RHCE: variants seen among roughly 807,000 people sequenced by gnomAD.
The protein encoded by RHCE is Rh blood group CcEe antigens.
Under a neutral mutation model 43.8 loss-of-function variants are expected in RHCE, and 22 were observed. The observed-to-expected ratio is 0.50, with a 90% CI of 0.36 to 0.72. RHCE has a LOEUF of 0.72. Among genes scored for constraint, RHCE ranks in the 30% least tolerant of loss-of-function variants. The probability of loss-of-function intolerance (pLI) is 0.00; values close to 1 mark genes in which losing one functional copy is unlikely to be tolerated. For missense variants in RHCE, 385 were observed against 525.4 expected (o/e 0.73, Z 2.61); for synonymous variants, 156 against 210.7 (o/e 0.74, Z 2.25).
In RHCE at chr1:25,373,358, G is replaced by A. The variant is rs1360268800; in HGVS notation, c.1153+1991C>T. Among the ~76,000 whole-genome samples, 23 of 151,780 alleles carry A rather than the reference G, an allele frequency of 1.5e-4. 1 individual carries two copies. The East Asian group carries it at 1.7e-3, about 11-fold the overall frequency. On this transcript the variant is annotated intron_variant, in intron 8 of 9. Coordinates refer to ENST00000294413, the MANE Select transcript of RHCE (RefSeq NM_020485.8). ...AAATGCAGGATACCCAATTCATTGC[G>A]AATTTAAAAACAGACACCTTGCATT...
chr1:25,403,068 G>A lies in RHCE; in HGVS notation c.336-322C>T, dbSNP rs1646808635. On this transcript the variant is annotated intron_variant, in intron 2 of 9. Coordinates refer to ENST00000294413, the MANE Select transcript of RHCE (RefSeq NM_020485.8). ...GATCGGGGTGACTGTTCCCTCAGGG[G>A]ATCTGATAACTGGGATTCTGCCCAG... 4.6e-5 allele frequency among the ~76,000 whole-genome samples: 7 copies of A among 151,548 alleles called. No homozygotes were observed. The South Asian group carries it at 1.0e-3, about 23-fold the overall frequency.
At chr1:25,382,369 G>A (rs28654719) in intron 7 of RHCE, among the ~76,000 whole-genome samples, 6,513 of 143,032 alleles carry the variant, frequency 0.046, 559 homozygotes, top group African/African-American at 0.18. Context: ...TGTTGGTTAT[G>A]TGGGGATATC....
At chr1:25,424,011 T>A (rs747980980), upstream of RHCE, among the ~76,000 whole-genome samples, 6 of 152,202 alleles carry the variant, frequency 3.9e-5, no homozygotes, top group Non-Finnish European at 8.8e-5. Context: ...GCAACACACA[T>A]GCAGTGGAAG....
Position 25,398,990 on chromosome 1 carries a change from G to A in RHCE, c.486+3606C>T. 4.1e-6 allele frequency: 5 copies of A among 1,210,094 alleles called. 1 individual carries two copies. The highest frequency in any genetic ancestry group is 2.4e-5 in the South Asian group (2 of 83,034). 75.0% of individuals were successfully genotyped at this position (1,210,094 alleles called of 1,614,324 possible). On this transcript the variant is annotated intron_variant, in intron 3 of 9. Transcript: ENST00000294413. ...CTGCTTATTTGAATCCTTGCTCTGC[G>A]ACGGACTATTCCCTGGCTGCAGCCC...
At chr1:25,425,385 CA>C (rs1426247440), upstream of RHCE, among the ~76,000 whole-genome samples, 1 of 152,190 alleles carries the variant, frequency 6.6e-6, no homozygotes, top group Non-Finnish European at 1.5e-5. Context: ...AACTGCTGCT[CA>C]GAGAGGTGGC....
At chr1:25,374,642 G>A (rs1231225053) in intron 8 of RHCE, among the ~76,000 whole-genome samples, 2 of 126,834 alleles carry the variant, frequency 1.6e-5, no homozygotes, top group Non-Finnish European at 3.3e-5. Context: ...GCATGCTGCT[G>A]TCTCAGGGCC....
At chr1:25,377,861 C>T (rs542927645) in intron 7 of RHCE, among the ~76,000 whole-genome samples, 8 of 152,214 alleles carry the variant, frequency 5.3e-5, no homozygotes, top group South Asian at 2.1e-4. Context: ...GCTGAGATAG[C>T]GCCACTGCAT....
chr1:25,391,962 G>A (rs1646380523), intron 4 of RHCE, 32 bp downstream of exon 4: 1 of 1,612,836 alleles, frequency 6.2e-7, no homozygotes, highest in East Asian at 2.2e-5. Context: ...CTCAGCCCAA[G>A]TATGAGACCA....
intron 9 of RHCE, among the ~76,000 whole-genome samples, chr1:25,368,655 C>A (rs907044417): frequency 3.3e-5 from 5 of 150,416 alleles, no homozygotes; most frequent in Non-Finnish European, 7.4e-5. Flanking sequence ...GAATTTTGAG[C>A]ACTAGTCGTC....
chr1:25,411,767 G>A (rs1223730391), intron 1 of RHCE, among the ~76,000 whole-genome samples: 1 of 152,176 alleles, frequency 6.6e-6, no homozygotes, highest in Non-Finnish European at 1.5e-5. Context: ...GAGCCAAGCA[G>A]GAAATATGTA....
At chr1:25,425,903 G>A (rs1323066091) in intron 2 of RHCE, among the ~76,000 whole-genome samples, 1 of 152,212 alleles carries the variant, frequency 6.6e-6, no homozygotes, top group African/African-American at 2.4e-5. Flanking sequence ...TTTGGCTAAA[G>A]TGCAGCTAAG....
At chr1:25,369,374 C>G (rs1375453915) in intron 9 of RHCE, among the ~76,000 whole-genome samples, 1 of 151,700 alleles carries the variant, frequency 6.6e-6, no homozygotes, top group Non-Finnish European at 1.5e-5. Context: ...TTGGCCTGGA[C>G]TTGCTGTGAC....
At chr1:25,429,538 A>G (rs1347462771) in intron 1 of RHCE, among the ~76,000 whole-genome samples, 1 of 152,198 alleles carries the variant, frequency 6.6e-6, no homozygotes, top group Non-Finnish European at 1.5e-5. Flanking sequence ...ACTGGATAGG[A>G]CATTCTGCAA....
intron 6 of RHCE, 80 bp downstream of exon 6, chr1:25,388,896 A>T: frequency 6.2e-7 from 1 of 1,606,434 alleles, no homozygotes; most frequent in Non-Finnish European, 8.5e-7. Context: ...GCAGCTGTGC[A>T]CTGCACAGTG....
At chr1:25,422,311 T>A (rs1346549959), upstream of RHCE, among the ~76,000 whole-genome samples, 3 of 152,148 alleles carry the variant, frequency 2.0e-5, no homozygotes, top group Non-Finnish European at 4.4e-5. Flanking sequence ...AACGCTTTTA[T>A]CAAAACTGAC....
chr1:25,396,617 T>TGA (rs529265360), intron 3 of RHCE, among the ~76,000 whole-genome samples: 4 of 151,074 alleles, frequency 2.6e-5, no homozygotes, highest in African/African-American at 9.8e-5. Flanking sequence ...TGGTGGCAGG[T>TGA]GAGAGAGAGA....
intron 7 of RHCE, among the ~76,000 whole-genome samples, chr1:25,381,098 G>T (rs908531749): frequency 1.3e-5 from 2 of 151,818 alleles, no homozygotes; most frequent in African/African-American, 4.8e-5. Flanking sequence ...TTATCAATCG[G>T]TAGCTTGGTC....
intron 1 of RHCE, among the ~76,000 whole-genome samples, chr1:25,412,732 A>T (rs796212966): frequency 4.0e-5 from 6 of 149,892 alleles, no homozygotes; most frequent in African/African-American, 1.5e-4. Context: ...AAAAAAAAAA[A>T]AAAAAAAAAA....
intron 3 of RHCE, among the ~76,000 whole-genome samples, chr1:25,392,353 C>G (rs1363698143): frequency 6.6e-6 from 1 of 152,142 alleles, no homozygotes; most frequent in Admixed American, 6.5e-5. Context: ...CATTTGCCTC[C>G]CAGGTTCACG....
Sources: allele counts gnomAD v4.1 joint callset (sites outside exome capture counted in the v4.1 genomes callset), GRCh38; gene constraint gnomAD v4.1.1; transcripts MANE v1.5; gene names NCBI Gene and HGNC (gene_info 2026-07-23, HGNC 2026-07-21).